Variants in NDST1 observed in about 807,000 individuals in gnomAD.
NDST1 encodes the protein N-deacetylase and N-sulfotransferase 1.
Under a neutral mutation model 92.8 loss-of-function variants are expected in NDST1, and 35 were observed. The ratio of observed to expected loss-of-function variants is 0.38; its 90% CI spans 0.29 to 0.50. The LOEUF is 0.50. NDST1 is among the 20% of genes least tolerant of loss of function. NDST1 has a pLI of 0.94. For synonymous variants in NDST1, 493 were observed against 500.3 expected, an observed-to-expected ratio of 0.99 and a Z score of 0.19; for missense variants, 822 against 1,182.7, an observed-to-expected ratio of 0.69 and a Z score of 4.47.
At chr5:150,501,419 G>A (rs1225276461) in intron 1 of NDST1, among the ~76,000 whole-genome samples, 1 of 152,184 alleles carries the variant, frequency 6.6e-6, no homozygotes, top group Non-Finnish European at 1.5e-5. Context: ...AAAAGGCACC[G>A]GACAGGGACA....
chr5:150,544,021 G>C (rs987693099), intron 10 of NDST1, among the ~76,000 whole-genome samples: 1 of 152,164 alleles, frequency 6.6e-6, no homozygotes, highest in African/African-American at 2.4e-5. Flanking sequence ...CTCGTGATCT[G>C]CCCGCCTCGG....
rs1172563847 is a variant in NDST1 at position 150,553,822 on chromosome 5, G to A, written c.*490G>A. ...CTTCCAAGGGGCCAGCTGGGTCCCC[G>A]GAGTCAGTCCTAGGCTGGATGGGAG... is the stretch of plus-strand genomic sequence containing the variant. On this transcript the variant is annotated 3_prime_UTR_variant, in exon 15 of 15. Transcript: ENST00000261797. This position sits in a 1 kb window ranked among gnomAD's most constrained non-coding sequence, Gnocchi z 4.2. 1.1e-5 allele frequency: 5 copies of A among 468,328 alleles called. No homozygotes were observed. Among genetic ancestry groups the A allele is most frequent in the Middle Eastern group, 5.6e-4 (1 of 1,798 alleles). 29.0% of individuals were successfully genotyped at this position (468,328 alleles called of 1,614,324 possible).
rs947789123 is a variant in NDST1, at chr5:150,554,358, T to TATATAA, written c.*1027_*1028insTATAAA. 2 of 159,898 alleles carry TATATAA rather than the reference T, an allele frequency of 1.3e-5. No homozygotes were observed. Among genetic ancestry groups the TATATAA allele is most frequent in the African/African-American group, 5.0e-5 (2 of 40,394 alleles). The allele number at this position is 159,898 out of a possible 1,614,324, so 9.9% of individuals were successfully genotyped here. On this transcript the variant is annotated 3_prime_UTR_variant, in exon 15 of 15. Transcript: ENST00000261797. ...TGTTATATATATATATATATATATA[T>TATATAA]AATGTGTATATATATATATTCTATT... is the stretch of plus-strand genomic sequence containing the variant.
At chr5:150,509,541 G>A (rs957324255) in intron 1 of NDST1, among the ~76,000 whole-genome samples, 1 of 152,046 alleles carries the variant, frequency 6.6e-6, no homozygotes, top group African/African-American at 2.4e-5. Context: ...TTTTTTTTGA[G>A]ATGGAGTTTC....
intron 2 of NDST1, among the ~76,000 whole-genome samples, chr5:150,527,233 G>A (rs1005802798): frequency 5.3e-5 from 8 of 152,200 alleles, no homozygotes; most frequent in Non-Finnish European, 8.8e-5. Flanking sequence ...TCCAAGCCTC[G>A]GTTTTCACAC....
intron 11 of NDST1, among the ~76,000 whole-genome samples, chr5:150,547,595 C>T (rs1380604955): frequency 1.3e-5 from 2 of 152,238 alleles, no homozygotes; most frequent in African/African-American, 4.8e-5. Flanking sequence ...AGTGGTCTTA[C>T]GTCCTTTCTA....
intron 1 of NDST1, among the ~76,000 whole-genome samples, chr5:150,513,499 A>G (rs747324975): frequency 6.6e-6 from 1 of 152,222 alleles, no homozygotes; most frequent in Non-Finnish European, 1.5e-5. Context: ...CAAAGATTCA[A>G]GCTCAGGCAG....
rs762542994 is a variant in NDST1 at position 150,542,873 on chromosome 5, G to A, written c.1872G>A (p.Leu624=). The change falls in exon 10 of 15, where the codon CTG becomes CTA. Residue 624 remains leucine (L), a synonymous_variant. Transcript: ENST00000261797. ...KTGTTALYLF[L]GMHPDLSSNY... ...GCACCACTGCCCTCTACCTGTTCCT[G>A]GGCATGCACCCTGACCTAAGCAGCA... 1.2e-6 allele frequency: 2 copies of A among 1,614,162 alleles called. No individual in the cohort carries two copies. The highest frequency in any genetic ancestry group is 1.1e-5 in the South Asian group (1 of 91,082).
chr5:150,510,124 G>T (rs1316376875), intron 1 of NDST1, among the ~76,000 whole-genome samples: 1 of 152,210 alleles, frequency 6.6e-6, no homozygotes, highest in African/African-American at 2.4e-5. Flanking sequence ...TCGAGCGGTT[G>T]CTTACCCTCT....
At chr5:150,534,475 A>T (rs1561601092) in intron 4 of NDST1, among the ~76,000 whole-genome samples, 1 of 152,194 alleles carries the variant, frequency 6.6e-6, no homozygotes, top group Non-Finnish European at 1.5e-5. Flanking sequence ...AGGGTCAAAC[A>T]TCCTGTATAT....
At position 150,528,321 on chromosome 5, in the gene NDST1, G is replaced by A. The variant is rs199550840; in HGVS notation, c.1008+23G>A. On this transcript the variant is annotated intron_variant, in intron 3 of 14. Transcript: ENST00000261797. Reference sequence around the variant, plus strand: ...AAGGTATGGCCGGGGGTGCTAGACCGGGCAAGGCAGGTGGGGCCTGGCAAG... The same window carrying A: ...AAGGTATGGCCGGGGGTGCTAGACCAGGCAAGGCAGGTGGGGCCTGGCAAG... The A allele has an allele frequency of 3.1e-4, 479 of 1,561,926 alleles. 1 individual carries two copies. The highest frequency in any genetic ancestry group is 4.0e-4 in the Non-Finnish European group (455 of 1,147,920).
At chr5:150,501,608 CAGATGA>C (rs1334717710) in intron 1 of NDST1, among the ~76,000 whole-genome samples, 1 of 152,164 alleles carries the variant, frequency 6.6e-6, no homozygotes, top group East Asian at 1.9e-4. Context: ...GTTGTGTGTT[CAGATGA>C]GGGAGACAAT....
At chr5:150,538,705 C>T (rs957077006) in intron 6 of NDST1, among the ~76,000 whole-genome samples, 1 of 152,098 alleles carries the variant, frequency 6.6e-6, no homozygotes, top group Non-Finnish European at 1.5e-5. Context: ...AGCACCAGGC[C>T]CTCGTGCTGA....
Position 150,521,471 on chromosome 5 carries a change from G to A in NDST1, c.217G>A (p.Val73Met), listed in dbSNP as rs1222065550. 1.2e-6 allele frequency: 2 copies of A among 1,613,930 alleles called. No homozygotes were observed. Among genetic ancestry groups the A allele is most frequent in the Admixed American group, 1.7e-5 (1 of 60,030 alleles). The change falls in exon 2 of 15, where the codon GTG (valine) becomes ATG (methionine). Residue 73 changes from valine to methionine, a missense_variant. Physicochemically the swap from Val to Met is conservative, Grantham distance 21. Transcript: ENST00000261797. This position sits in a 1 kb window ranked among gnomAD's most constrained non-coding sequence, Gnocchi z 5.9. ...APSRLLPLKP[V>M]QAATPSRTDP... Reference sequence around the variant, plus strand: ...CAGTCGCCTGCTGCCACTCAAGCCTGTGCAGGCAGCCACCCCTTCCCGCAC... The same window carrying A: ...CAGTCGCCTGCTGCCACTCAAGCCTATGCAGGCAGCCACCCCTTCCCGCAC...
rs1374621995 is a variant in NDST1, at chr5:150,553,113, T to A, written c.2530-100T>A. ...GCCTCGGCCTCCCAAAGTGCTGGGATTACAGGCATGAGCCACCGTGCCCGG... is the reference window on the plus strand; with the variant it reads ...GCCTCGGCCTCCCAAAGTGCTGGGAATACAGGCATGAGCCACCGTGCCCGG... On this transcript the variant is annotated intron_variant, in intron 14 of 14. Transcript: ENST00000261797. The surrounding 1 kb of genome is among the most constrained non-coding windows in gnomAD (Gnocchi z 4.2). The A allele has an allele frequency of 7.7e-7, 1 of 1,290,788 alleles. No individual in the cohort carries two copies. Among genetic ancestry groups the A allele is most frequent in the African/African-American group, 1.5e-5 (1 of 67,624 alleles). 80.0% of individuals were successfully genotyped at this position (1,290,788 alleles called of 1,614,324 possible).
intron 1 of NDST1, among the ~76,000 whole-genome samples, chr5:150,502,393 G>A (rs1753274362): frequency 6.6e-6 from 1 of 152,182 alleles, no homozygotes; most frequent in Non-Finnish European, 1.5e-5. Flanking sequence ...TCTGGCTTGA[G>A]GAACTGGAAG....
In NDST1 at chr5:150,539,688, G is replaced by A. The variant is rs1225780552; in HGVS notation, c.1566+332G>A. On this transcript the variant is annotated intron_variant, in intron 7 of 14. Transcript: ENST00000261797. ...TATGAACAACATTTGAGTTTTCTAGGTCTCGCTTTCCTTATTTGTAAAATG... is the reference window on the plus strand; with the variant it reads ...TATGAACAACATTTGAGTTTTCTAGATCTCGCTTTCCTTATTTGTAAAATG... 1.9e-5 allele frequency: 19 copies of A among 984,740 alleles called. No individual in the cohort carries two copies. In the South Asian group the frequency reaches 7.5e-4, roughly 39 times the overall value. The allele number at this position is 984,740 out of a possible 1,614,324, so 61.0% of individuals were successfully genotyped here.
At chr5:150,541,792 A>G (rs1158500396) in intron 9 of NDST1, 126 bp downstream of exon 9, 2 of 883,654 alleles carry the variant, frequency 2.3e-6, no homozygotes, top group Non-Finnish European at 3.7e-6. Context: ...GGAAGTAGGA[A>G]TGAAGTTGGG....
chr5:150,528,349 T>G (rs1754563945), intron 3 of NDST1, 51 bp downstream of exon 3: 1 of 1,544,934 alleles, frequency 6.5e-7, no homozygotes, highest in African/African-American at 1.4e-5. Flanking sequence ...CTGGCAAGCT[T>G]CAGCCTTCAG....
Sources: gnomAD v4.1 joint callset for allele counts (sites outside exome capture counted in the v4.1 genomes callset) on GRCh38, gnomAD v4.1.1 for gene constraint, Gnocchi (gnomAD v3.1) non-coding constraint, MANE v1.5 for transcripts, NCBI Gene and HGNC (gene_info 2026-07-23, HGNC 2026-07-21) for gene names.